Variants in IQCK observed in about 807,000 individuals in gnomAD.
IQCK encodes IQ domain-containing protein K.
In IQCK, 29 loss-of-function variants were observed where a neutral mutation model predicts 28.1. The ratio of observed to expected loss-of-function variants is 1.03; its 90% CI spans 0.77 to 1.41. The LOEUF (loss-of-function observed/expected upper bound fraction) is 1.41, where lower values mean the gene tolerates loss of function less well. Among genes scored for constraint, IQCK ranks in the 40% most tolerant of loss-of-function variants. The pLI, the probability that IQCK is intolerant of heterozygous loss-of-function variation, is 0.00. For synonymous variants in IQCK, 113 were observed against 115.1 expected (o/e 0.98, Z 0.12); for missense variants, 359 against 314.7 (o/e 1.14, Z -1.07).
At chr16:19,834,435 C>G (rs987157726) in intron 9 of IQCK, among the ~76,000 whole-genome samples, 1 of 152,210 alleles carries the variant, frequency 6.6e-6, no homozygotes, top group Non-Finnish European at 1.5e-5. Context: ...CCAGGCCATG[C>G]TGTTCTGTAA....
At chr16:19,736,285 A>T in intron 4 of IQCK, 1 of 414,090 alleles carries the variant, frequency 2.4e-6, no homozygotes, top group South Asian at 1.8e-5. Context: ...TCTTTTTGAG[A>T]CAGGGTCTTG....
At chr16:19,852,915 C>T (rs2056504152) in intron 9 of IQCK, among the ~76,000 whole-genome samples, 1 of 152,302 alleles carries the variant, frequency 6.6e-6, no homozygotes, top group African/African-American at 2.4e-5. Flanking sequence ...AGCCACCGCA[C>T]GCGGCCTCCT....
At chr16:19,816,725 G>A (rs2055994116) in intron 7 of IQCK, among the ~76,000 whole-genome samples, 1 of 152,180 alleles carries the variant, frequency 6.6e-6, no homozygotes, top group Non-Finnish European at 1.5e-5. Flanking sequence ...TTGGTTCCAT[G>A]TACTAATAGC....
intron 1 of IQCK, among the ~76,000 whole-genome samples, chr16:19,725,950 CTG>C (rs748489009): frequency 3.1e-4 from 46 of 148,326 alleles, no homozygotes; most frequent in Non-Finnish European, 5.8e-4. Context: ...GAGTCTCACT[CTG>C]TCACCCAGGC....
intron 3 of IQCK, 86 bp downstream of exon 3, chr16:19,733,913 C>A (rs1206568867): frequency 3.8e-6 from 5 of 1,322,424 alleles, no homozygotes; most frequent in Non-Finnish European, 5.3e-6. Context: ...GACAGATGGA[C>A]CTCAGGGAGA....
chr16:19,739,412 C>A (rs1253985529), intron 4 of IQCK, among the ~76,000 whole-genome samples: 2 of 152,166 alleles, frequency 1.3e-5, no homozygotes, highest in African/African-American at 4.8e-5. Context: ...AACAAAAAAG[C>A]TGGTAAAATA....
At chr16:19,814,961 T>C (rs962671994) in intron 7 of IQCK, among the ~76,000 whole-genome samples, 2 of 151,856 alleles carry the variant, frequency 1.3e-5, no homozygotes, top group Non-Finnish European at 2.9e-5. Flanking sequence ...TAAAATTTAG[T>C]TTTTTTGTAG....
chr16:19,748,200 G>A (rs1013865447), intron 4 of IQCK, among the ~76,000 whole-genome samples: 9 of 149,760 alleles, frequency 6.0e-5, no homozygotes, highest in East Asian at 2.0e-4. Flanking sequence ...TCAGCCTCCC[G>A]AATAGCTGGG....
At chr16:19,759,744 G>A (rs555698069) in intron 4 of IQCK, among the ~76,000 whole-genome samples, 9 of 152,240 alleles carry the variant, frequency 5.9e-5, no homozygotes, top group African/African-American at 1.4e-4. Flanking sequence ...TTGGAAGGCC[G>A]AGACGGGAGG....
chr16:19,741,104 A>G (rs1343985435), intron 4 of IQCK, among the ~76,000 whole-genome samples: 2 of 152,092 alleles, frequency 1.3e-5, no homozygotes, highest in South Asian at 2.1e-4. Context: ...CACTGAGGGG[A>G]CAAGAAGACA....
intron 9 of IQCK, among the ~76,000 whole-genome samples, chr16:19,832,827 GGAGAGA>G (rs554339160): frequency 6.6e-6 from 1 of 151,922 alleles, no homozygotes; most frequent in East Asian, 1.9e-4. Context: ...TATGGCGGCA[GGAGAGA>G]GAGAGAGTGA....
chr16:19,735,294 C>T, intron 3 of IQCK, 59 bp from the exon 4 acceptor site: 1 of 1,127,552 alleles, frequency 8.9e-7, no homozygotes, highest in East Asian at 2.4e-5. Flanking sequence ...AAACATTTCT[C>T]CCAGATTGGC....
intron 6 of IQCK, among the ~76,000 whole-genome samples, chr16:19,779,748 C>T (rs959105270): frequency 5.3e-5 from 8 of 150,978 alleles, no homozygotes; most frequent in Non-Finnish European, 7.4e-5. Flanking sequence ...GATGGAGTCT[C>T]GCTCTGTCGC....
intron 4 of IQCK, among the ~76,000 whole-genome samples, chr16:19,755,984 A>G (rs2055046349): frequency 6.6e-6 from 1 of 152,088 alleles, no homozygotes. Context: ...GGAGTTCAAG[A>G]CCAGCCCAAG....
chr16:19,840,351 G>A (rs12446176), intron 9 of IQCK, among the ~76,000 whole-genome samples: 46,977 of 151,872 alleles, frequency 0.31, 7,741 homozygotes, highest in East Asian at 0.53. Flanking sequence ...GCGAGACTCC[G>A]TTTCAAAAAA....
chr16:19,834,476 G>A (rs1252678710), intron 9 of IQCK, among the ~76,000 whole-genome samples: 1 of 152,216 alleles, frequency 6.6e-6, no homozygotes, highest in Admixed American at 6.5e-5. Flanking sequence ...CAGTGGTCCA[G>A]TGCAAAGCTT....
At chr16:19,764,247 C>G (rs2055195422) in intron 6 of IQCK, 135 bp downstream of exon 6, 1 of 692,274 alleles carries the variant, frequency 1.4e-6, no homozygotes, top group Non-Finnish European at 2.5e-6. Flanking sequence ...TGACTCCTGT[C>G]TCTAGTTATT....
chr16:19,753,642 G>T (rs2055015764), intron 4 of IQCK, among the ~76,000 whole-genome samples: 1 of 152,068 alleles, frequency 6.6e-6, no homozygotes, highest in East Asian at 1.9e-4. Flanking sequence ...GTTGCAACTA[G>T]CAGGAAACTG....
chr16:19,830,718 C>G (rs111835414), downstream of IQCK, among the ~76,000 whole-genome samples: 705 of 152,296 alleles, frequency 4.6e-3, 4 homozygotes, highest in Non-Finnish European at 7.2e-3. Flanking sequence ...GGAATCCTAA[C>G]TACCACTTCT....
Sources: allele counts gnomAD v4.1 joint callset (sites outside exome capture counted in the v4.1 genomes callset), GRCh38; gene constraint gnomAD v4.1.1; transcripts MANE v1.5; gene names NCBI Gene and HGNC (gene_info 2026-07-23, HGNC 2026-07-21).